MKX: variants seen among roughly 807,000 people sequenced by gnomAD.
MKX encodes mohawk homeobox.
A neutral mutation model predicts 36.0 loss-of-function variants in MKX; 13 were observed. That is an observed-to-expected ratio of 0.36 (90% confidence interval 0.24 to 0.57). The LOEUF (loss-of-function observed/expected upper bound fraction) is 0.57, where lower values mean the gene tolerates loss of function less well. Ranked by LOEUF, MKX falls within the 20% of genes least tolerant of loss-of-function variation. The probability of loss-of-function intolerance (pLI) is 0.79; values close to 1 mark genes in which losing one functional copy is unlikely to be tolerated. For missense variants in MKX, 458 were observed against 456.4 expected, an observed-to-expected ratio of 1.00 and a Z score of -0.03; for synonymous variants, 176 against 178.3, an observed-to-expected ratio of 0.99 and a Z score of 0.10.
chr10:27,723,269 C>A (rs926144412), intron 5 of MKX, among the ~76,000 whole-genome samples: 2 of 151,992 alleles, frequency 1.3e-5, no homozygotes, highest in African/African-American at 2.4e-5. Flanking sequence ...TGAATTAGTG[C>A]CATATTTCTA....
rs375398264 is a variant in MKX at position 27,710,862 on chromosome 10, T to C, written c.838+23594A>G. 3.9e-5 allele frequency among the ~76,000 whole-genome samples: 6 copies of C among 152,272 alleles called. No individual in the cohort carries two copies. In the South Asian group the frequency reaches 8.3e-4, roughly 21 times the overall value. On this transcript the variant is annotated intron_variant, in intron 5 of 6. Coordinates refer to ENST00000419761, the MANE Select transcript of MKX (RefSeq NM_173576.3). ...TTAGTAGAGATGGGGTTTCACCATG[T>C]TGGCCAGGCTGGTCTCAAACTCCTG...
intron 5 of MKX, among the ~76,000 whole-genome samples, chr10:27,707,760 A>G (rs1836782780): frequency 6.6e-6 from 1 of 152,260 alleles, no homozygotes; most frequent in Admixed American, 6.5e-5. Flanking sequence ...TGAAAATAAA[A>G]TAGAACTTTC....
intron 5 of MKX, among the ~76,000 whole-genome samples, chr10:27,710,373 C>T (rs1318334258): frequency 6.6e-6 from 1 of 152,218 alleles, no homozygotes; most frequent in Admixed American, 6.5e-5. Context: ...GGATTCACTA[C>T]TGACTGGTCA....
rs1835043759 is a variant in MKX, at chr10:27,745,805, T to G, written c.-181A>C. 6.5e-6 allele frequency: 1 copy of G among 152,906 alleles called. No homozygotes were observed. The highest frequency in any genetic ancestry group is 2.1e-4 in the South Asian group (1 of 4,832). 9.5% of individuals were successfully genotyped at this position (152,906 alleles called of 1,614,324 possible). A position where few individuals can be genotyped will look rare whatever the true frequency, so the allele number is the denominator to read the frequency against. ...CCCGCCGCATGTTCTCCACGCGGGCTCCAGCGCGCTCACCACCGCCACCGC... is the reference window on the plus strand; with the variant it reads ...CCCGCCGCATGTTCTCCACGCGGGCGCCAGCGCGCTCACCACCGCCACCGC... On this transcript the variant is annotated 5_prime_UTR_variant, in exon 1 of 7. Transcript: ENST00000419761.
rs184785091 is a variant in MKX, at chr10:27,681,282, A to C, written c.839-5728T>G. On this transcript the variant is annotated intron_variant, in intron 5 of 6. Transcript: ENST00000419761. ...GCCAAAATGGTGAAATCCTGTCTCT[A>C]CTAAAAAATACAAAAAATTAGCCAG... Among the ~76,000 whole-genome samples, 266 of 152,170 alleles carry C rather than the reference A, an allele frequency of 1.7e-3. 1 individual carries two copies. Among genetic ancestry groups the C allele is most frequent in the Admixed American group, 4.1e-3 (63 of 15,292 alleles).
rs1834894154 is a variant in MKX at position 27,741,486 on chromosome 10, C to T, written c.207G>A (p.Gly69=). The change falls in exon 3 of 7, where the codon GGG becomes GGA. Residue 69 remains glycine (G), a synonymous_variant. Transcript: ENST00000419761. This position sits in a 1 kb window ranked among gnomAD's most constrained non-coding sequence, Gnocchi z 5.1. Reference sequence around the variant, plus strand: ...GGGCCTGCCGCTTGTGCCTCACCTTCCCGCCATTCTGCCGGGCGCTGGGAC... The same window carrying T: ...GGGCCTGCCGCTTGTGCCTCACCTTTCCGCCATTCTGCCGGGCGCTGGGAC... The part of the protein sequence containing the change: ...HRRTGARQNG[G]KVRHKRQALQ... 1 of 1,596,158 alleles carries T rather than the reference C, an allele frequency of 6.3e-7. No individual in the cohort carries two copies. Among genetic ancestry groups the T allele is most frequent in the Admixed American group, 1.8e-5 (1 of 56,308 alleles).
intron 3 of MKX, among the ~76,000 whole-genome samples, chr10:27,737,827 T>G (rs1834812048): frequency 6.6e-6 from 1 of 152,100 alleles, no homozygotes; most frequent in East Asian, 1.9e-4. Context: ...TAACCTTAAA[T>G]CTTCACACAG....
intron 5 of MKX, among the ~76,000 whole-genome samples, chr10:27,693,213 G>A (rs115558362): frequency 0.059 from 8,962 of 152,208 alleles, 773 homozygotes; most frequent in African/African-American, 0.19. Flanking sequence ...AGCTGGGCTT[G>A]TGCCTCCCCC....
chr10:27,690,172 A>G (rs1836427565), intron 5 of MKX, among the ~76,000 whole-genome samples: 1 of 152,184 alleles, frequency 6.6e-6, no homozygotes, highest in African/African-American at 2.4e-5. Context: ...GGAGTTGAAG[A>G]TCAGACTCAC....
intron 1 of MKX, among the ~76,000 whole-genome samples, chr10:27,745,241 A>G (rs1357692792): frequency 6.6e-6 from 1 of 152,144 alleles, no homozygotes; most frequent in Non-Finnish European, 1.5e-5. Context: ...CCACGCAGAG[A>G]TCGCAGACAC....
At chr10:27,687,267 A>G (rs907306618) in intron 5 of MKX, among the ~76,000 whole-genome samples, 2 of 152,138 alleles carry the variant, frequency 1.3e-5, no homozygotes, top group Non-Finnish European at 2.9e-5. Flanking sequence ...CCCTCCCAAA[A>G]TGCTGGGATT....
chr10:27,728,608 C>G (rs561797779), intron 5 of MKX, among the ~76,000 whole-genome samples: 4 of 152,148 alleles, frequency 2.6e-5, no homozygotes, highest in African/African-American at 9.7e-5. Context: ...TGGACTGTGT[C>G]CCAGAAGCTT....
At chr10:27,730,861 GC>G (rs1051281512) in intron 5 of MKX, among the ~76,000 whole-genome samples, 7 of 151,910 alleles carry the variant, frequency 4.6e-5, no homozygotes, top group Admixed American at 3.9e-4. Flanking sequence ...GCAGCCGGGC[GC>G]GGTGGCTCAC....
chr10:27,741,582 C>A lies in MKX; in HGVS notation c.189-78G>T. 4 of 1,462,132 alleles carry A rather than the reference C, an allele frequency of 2.7e-6. No homozygotes were observed. The highest frequency in any genetic ancestry group is 3.6e-6 in the Non-Finnish European group (4 of 1,109,874). The allele number at this position is 1,462,132 out of a possible 1,614,324, so 90.6% of individuals were successfully genotyped here. On this transcript the variant is annotated intron_variant, in intron 2 of 6. Coordinates refer to ENST00000419761, the MANE Select transcript of MKX (RefSeq NM_173576.3). The surrounding 1 kb of genome is among the most constrained non-coding windows in gnomAD (Gnocchi z 5.1). ...GGACGCTCCACGCCCCGGCCAAGCC[C>A]GGGCCCCGCATCCAAACTGCGCATT...
At chr10:27,745,216 C>T (rs181444894) in intron 1 of MKX, among the ~76,000 whole-genome samples, 2 of 152,242 alleles carry the variant, frequency 1.3e-5, no homozygotes, top group Admixed American at 1.3e-4. Flanking sequence ...GGACACTTCC[C>T]CGGCAGCCCC....
chr10:27,679,041 T>C (rs1836204588), intron 5 of MKX, among the ~76,000 whole-genome samples: 3 of 152,120 alleles, frequency 2.0e-5, no homozygotes, highest in Non-Finnish European at 4.4e-5. Context: ...GACGGGCACA[T>C]TCAATGTCAG....
chr10:27,689,661 A>G (rs537710795), intron 5 of MKX, among the ~76,000 whole-genome samples: 1 of 152,268 alleles, frequency 6.6e-6, no homozygotes, highest in South Asian at 2.1e-4. Context: ...CCCCTAGTCT[A>G]GCAGTCCTCC....
intron 5 of MKX, among the ~76,000 whole-genome samples, chr10:27,726,020 G>C (rs1200649071): frequency 6.6e-6 from 1 of 152,152 alleles, no homozygotes; most frequent in African/African-American, 2.4e-5. Flanking sequence ...TAAATATAGT[G>C]ACATGAACAA....
At chr10:27,717,398 G>A (rs1042221521) in intron 5 of MKX, among the ~76,000 whole-genome samples, 8 of 152,212 alleles carry the variant, frequency 5.3e-5, no homozygotes, top group Non-Finnish European at 1.2e-4. Flanking sequence ...GTAGTCATCA[G>A]TTTTCAACTT....
Sources: allele counts gnomAD v4.1 joint callset (sites outside exome capture counted in the v4.1 genomes callset), GRCh38; gene constraint gnomAD v4.1.1; non-coding constraint Gnocchi (gnomAD v3.1); transcripts MANE v1.5; gene names NCBI Gene and HGNC (gene_info 2026-07-23, HGNC 2026-07-21).